RCBTB1: variants seen among roughly 807,000 people sequenced by gnomAD.
The protein encoded by RCBTB1 is RCC1 and BTB domain containing protein 1.
In RCBTB1, 46 loss-of-function variants were observed where a neutral mutation model predicts 62.4. That is an observed-to-expected ratio of 0.74 (90% CI 0.58 to 0.94). RCBTB1 has a LOEUF of 0.94. Ranked by LOEUF, RCBTB1 falls within the 40% of genes least tolerant of loss-of-function variation. RCBTB1 has a pLI of 0.00. For synonymous variants in RCBTB1, 222 were observed against 245.8 expected, an observed-to-expected ratio of 0.90 and a Z score of 0.91; for missense variants, 565 against 654.9, an observed-to-expected ratio of 0.86 and a Z score of 1.50.
intron 1 of RCBTB1, among the ~76,000 whole-genome samples, chr13:49,584,085 C>G (rs1435144529): frequency 6.6e-6 from 1 of 152,192 alleles, no homozygotes; most frequent in Non-Finnish European, 1.5e-5. Flanking sequence ...TTCAGACTTC[C>G]CAGCTCCCGT....
At chr13:49,544,951 A>G in intron 9 of RCBTB1, 88 bp from the exon 10 acceptor site, 5 of 1,066,776 alleles carry the variant, frequency 4.7e-6, no homozygotes, top group Middle Eastern at 4.4e-4. Flanking sequence ...CATGACCGTG[A>G]TGGATAATTC....
chr13:49,552,108 C>A, intron 7 of RCBTB1, 70 bp downstream of exon 7: 1 of 967,966 alleles, frequency 1.0e-6, no homozygotes, highest in South Asian at 1.4e-5. Context: ...GAGTAAACCT[C>A]CAATATTTCT....
chr13:49,567,376 C>CA (rs1039457572), intron 2 of RCBTB1, 56 bp from the exon 3 acceptor site: 116 of 1,310,118 alleles, frequency 8.9e-5, no homozygotes, highest in Non-Finnish European at 1.0e-4. Context: ...AGCTAACTTT[C>CA]AAAAAAAAGA....
At chr13:49,544,377 G>C (rs190880656) in intron 10 of RCBTB1, among the ~76,000 whole-genome samples, 183 of 152,276 alleles carry the variant, frequency 1.2e-3, no homozygotes, top group African/African-American at 4.0e-3. Flanking sequence ...GCTGAGGCAG[G>C]AGAATCACTT....
chr13:49,579,882 T>A (rs571865912), intron 2 of RCBTB1, among the ~76,000 whole-genome samples: 1 of 152,334 alleles, frequency 6.6e-6, no homozygotes, highest in Non-Finnish European at 1.5e-5. Flanking sequence ...AAATGTAAGT[T>A]CCTACAACTG....
intron 1 of RCBTB1, among the ~76,000 whole-genome samples, chr13:49,584,121 T>G (rs956244915): frequency 2.0e-5 from 3 of 152,258 alleles, no homozygotes; most frequent in Non-Finnish European, 4.4e-5. Context: ...AAGTTCTTGC[T>G]GCAGCATACG....
intron 2 of RCBTB1, among the ~76,000 whole-genome samples, chr13:49,579,450 C>T (rs1402705660): frequency 1.3e-5 from 2 of 152,012 alleles, no homozygotes; most frequent in Admixed American, 6.6e-5. Flanking sequence ...AGCGAAACCC[C>T]GTCTCTACTA....
intron 10 of RCBTB1, among the ~76,000 whole-genome samples, chr13:49,542,248 T>C (rs1960439954): frequency 1.3e-5 from 2 of 151,464 alleles, no homozygotes; most frequent in African/African-American, 4.9e-5. Context: ...TTAACTACTA[T>C]CTGGGCCTGA....
At chr13:49,539,018 C>CT (rs1566212625) in intron 12 of RCBTB1, among the ~76,000 whole-genome samples, 1 of 151,824 alleles carries the variant, frequency 6.6e-6, no homozygotes, top group East Asian at 1.9e-4. Context: ...TACAGGTACG[C>CT]ACCACCACAC....
Position 49,567,226 on chromosome 13 carries a change from G to C in RCBTB1, c.54C>G (p.Ile18Met), listed in dbSNP as rs9562900. 6.2e-7 allele frequency: 1 copy of C among 1,613,700 alleles called. No homozygotes were observed. Among genetic ancestry groups the C allele is most frequent in the Non-Finnish European group, 8.5e-7 (1 of 1,179,822 alleles). The change falls in exon 3 of 13, where the codon ATC becomes ATG. Residue 18 changes from isoleucine to methionine, a missense_variant. Coordinates refer to ENST00000378302, the MANE Select transcript of RCBTB1 (RefSeq NM_018191.4). ...AGACACACGCCTTCCGAATAGACGC[G>C]ATCTCTTGAGGGGAGAGTAGAGTGA... ...PIFTLLSPQE[I>M]ASIRKACVFG... is the part of the protein sequence containing the mutation.
rs1423333035 is a variant in RCBTB1 at position 49,544,632 on chromosome 13, C to CTACTTAAT, written c.1172+104_1172+105insATTAAGTA. 14 of 880,298 alleles carry CTACTTAAT rather than the reference C, an allele frequency of 1.6e-5. No individual in the cohort carries two copies. In the African/African-American group the frequency reaches 2.0e-4, roughly 13 times the overall value. 54.5% of individuals were successfully genotyped at this position (880,298 alleles called of 1,614,324 possible). The stretch of plus-strand genomic sequence containing the variant: ...TATCTGCAAAAATATTAAGTAGTGA[C>CTACTTAAT]ATTTCTCTCTACTACCAAGGCTATT... On this transcript the variant is annotated intron_variant, in intron 10 of 12. Transcript: ENST00000378302.
At chr13:49,544,266 T>G (rs1242865865) in intron 10 of RCBTB1, among the ~76,000 whole-genome samples, 4 of 152,084 alleles carry the variant, frequency 2.6e-5, no homozygotes, top group Admixed American at 2.0e-4. Context: ...GATCGGGAGT[T>G]CGAGACCAAC....
rs67275254 is a variant in RCBTB1 at position 49,559,884 on chromosome 13, A to G, written c.444+34T>C. On this transcript the variant is annotated intron_variant, in intron 5 of 12. Coordinates refer to ENST00000378302, the MANE Select transcript of RCBTB1 (RefSeq NM_018191.4). Reference sequence around the variant, plus strand: ...TAAGTGTATTTACTATGATGAAAAAAAAAAAGAATAAAGAATAAAAGCAGC... The same window carrying G: ...TAAGTGTATTTACTATGATGAAAAAGAAAAAGAATAAAGAATAAAAGCAGC... 0.18 allele frequency: 276,310 copies of G among 1,576,164 alleles called. 29,689 individuals carry two copies. The highest frequency in any genetic ancestry group is 0.45 in the African/African-American group (32,411 of 72,552).
At chr13:49,571,277 T>G (rs1594338892) in intron 2 of RCBTB1, among the ~76,000 whole-genome samples, 2 of 151,394 alleles carry the variant, frequency 1.3e-5, no homozygotes, top group Admixed American at 6.6e-5. Context: ...ACCTGGGAGG[T>G]GGAGGTTGCA....
intron 2 of RCBTB1, among the ~76,000 whole-genome samples, chr13:49,577,008 C>T (rs1310407312): frequency 1.3e-5 from 2 of 152,216 alleles, no homozygotes; most frequent in Non-Finnish European, 2.9e-5. Flanking sequence ...CCTGTATCCC[C>T]ACTGCACTTA....
intron 2 of RCBTB1, among the ~76,000 whole-genome samples, chr13:49,571,452 T>C (rs140188843): frequency 6.6e-6 from 1 of 152,340 alleles, no homozygotes; most frequent in East Asian, 1.9e-4. Context: ...TCCTGCACTT[T>C]TGCATCAACC....
chr13:49,551,043 C>A, intron 8 of RCBTB1: 1 of 326,832 alleles, frequency 3.1e-6, no homozygotes, highest in Non-Finnish European at 5.6e-6. Flanking sequence ...GTGAAGGTTG[C>A]AGTGAGCCGA....
Position 49,531,996 on chromosome 13 carries a change from A to T in RCBTB1, c.*2126T>A, listed in dbSNP as rs1329741592. ...TAACATGTCGTTCTAAATATTACATAAATACAGCTTACATACTAGAGTATC... is the reference window on the plus strand; with the variant it reads ...TAACATGTCGTTCTAAATATTACATTAATACAGCTTACATACTAGAGTATC... On this transcript the variant is annotated 3_prime_UTR_variant, in exon 13 of 13. Coordinates refer to ENST00000378302, the MANE Select transcript of RCBTB1 (RefSeq NM_018191.4). The T allele has an allele frequency of 1.3e-5, 2 of 152,646 alleles. No individual in the cohort carries two copies. Among genetic ancestry groups the T allele is most frequent in the Non-Finnish European group, 2.9e-5 (2 of 68,044 alleles). The allele number at this position is 152,646 out of a possible 1,614,324, so 9.5% of individuals were successfully genotyped here. A position where few individuals can be genotyped will look rare whatever the true frequency, so the allele number is the denominator to read the frequency against.
chr13:49,544,536 T>C (rs572432594), intron 10 of RCBTB1, among the ~76,000 whole-genome samples: 1 of 152,282 alleles, frequency 6.6e-6, no homozygotes, highest in East Asian at 1.9e-4. Context: ...CTTAAATTCC[T>C]ACATTACACT....
Sources: allele counts gnomAD v4.1 joint callset (sites outside exome capture counted in the v4.1 genomes callset), GRCh38; gene constraint gnomAD v4.1.1; transcripts MANE v1.5; gene names NCBI Gene and HGNC (gene_info 2026-07-23, HGNC 2026-07-21).